LARGE1: variants seen among roughly 807,000 people sequenced by gnomAD.
The protein encoded by LARGE1 is xylosyl- and glucuronyltransferase LARGE1.
LARGE1 carries 43 observed loss-of-function variants against 87.6 expected under a neutral mutation model. The ratio of observed to expected loss-of-function variants is 0.49; its 90% CI spans 0.38 to 0.63. The LOEUF is 0.63. LARGE1 is among the 30% of genes least tolerant of loss of function. LARGE1 has a pLI of 0.00. For missense variants in LARGE1, 802 were observed against 1,000.2 expected (o/e 0.80, Z 2.67); for synonymous variants, 434 against 394.6 (o/e 1.10, Z -1.18).
intron 6 of LARGE1, among the ~76,000 whole-genome samples, chr22:33,544,884 G>A (rs1337848866): frequency 6.6e-6 from 1 of 151,010 alleles, no homozygotes; most frequent in Non-Finnish European, 1.5e-5. Context: ...CTTCAGCCAG[G>A]GATGAGATCA....
chr22:33,719,006 C>G (rs1429903876), intron 2 of LARGE1, among the ~76,000 whole-genome samples: 1 of 152,150 alleles, frequency 6.6e-6, no homozygotes, highest in African/African-American at 2.4e-5. Context: ...CCAGGCTCAT[C>G]TCAAACTCCT....
intron 6 of LARGE1, among the ~76,000 whole-genome samples, chr22:33,536,199 G>T (rs1391821172): frequency 1.3e-5 from 2 of 152,188 alleles, no homozygotes; most frequent in Non-Finnish European, 2.9e-5. Context: ...ACTATTTGAG[G>T]ACAATCTGCA....
intron 3 of LARGE1, among the ~76,000 whole-genome samples, chr22:33,633,494 G>A (rs1179832793): frequency 2.6e-5 from 4 of 152,126 alleles, no homozygotes; most frequent in Admixed American, 2.0e-4. Flanking sequence ...TAAATATGGG[G>A]AAAAAAATCA....
At chr22:33,722,649 T>C (rs576367626) in intron 2 of LARGE1, among the ~76,000 whole-genome samples, 1 of 152,066 alleles carries the variant, frequency 6.6e-6, no homozygotes, top group South Asian at 2.1e-4. Flanking sequence ...AGAAGGCACG[T>C]TATAGTAAGT....
At chr22:33,362,131 C>G (rs1377163648) in intron 9 of LARGE1, among the ~76,000 whole-genome samples, 1 of 149,210 alleles carries the variant, frequency 6.7e-6, no homozygotes, top group Non-Finnish European at 1.5e-5. Flanking sequence ...AAAAGATGCT[C>G]CCTTGGGCCC....
At chr22:33,129,956 T>C in the LARGE1 span, among the ~76,000 whole-genome samples, 3 of 152,322 alleles carry the variant, frequency 2.0e-5, no homozygotes, top group East Asian at 3.9e-4. Context: ...CGTATCATCA[T>C]CGTGGGAAGT....
intron 1 of LARGE1, among the ~76,000 whole-genome samples, chr22:33,903,979 G>A (rs2065361110): frequency 6.6e-6 from 1 of 152,128 alleles, no homozygotes; most frequent in African/African-American, 2.4e-5. Context: ...CAGTCAAAAG[G>A]TTTTATAGAG....
chr22:33,423,572 C>A (rs1390614785), intron 7 of LARGE1, among the ~76,000 whole-genome samples: 1 of 150,642 alleles, frequency 6.6e-6, no homozygotes, highest in Non-Finnish European at 1.5e-5. Flanking sequence ...CCCAGCTACT[C>A]AGGAGGCTGA....
intron 1 of LARGE1, among the ~76,000 whole-genome samples, chr22:33,765,336 C>A (rs935772863): frequency 6.6e-6 from 1 of 152,040 alleles, no homozygotes; most frequent in African/African-American, 2.4e-5. Context: ...ATGATTATTT[C>A]TTTCCCAGGG....
intron 6 of LARGE1, among the ~76,000 whole-genome samples, chr22:33,539,092 T>C (rs1158515312): frequency 6.6e-6 from 1 of 152,228 alleles, no homozygotes; most frequent in African/African-American, 2.4e-5. Context: ...TCTGCATATA[T>C]GTGTGTATAT....
intron 1 of LARGE1, among the ~76,000 whole-genome samples, chr22:33,844,807 GC>G (rs2063383805): frequency 6.7e-6 from 1 of 149,658 alleles, no homozygotes; most frequent in Non-Finnish European, 1.5e-5. Context: ...TGCAACCTCC[GC>G]CTCCCGGGCT....
rs1215378739 is a variant in LARGE1 at position 33,762,580 on chromosome 22, G to T, written c.-82-1022C>A. On this transcript the variant is annotated intron_variant, in intron 1 of 14. Transcript: ENST00000397394. ...CATAGCTTCCACCCTCAATATGGAA[G>T]AAGAGGTCCAGAGAATCACAGAAAC... Among the ~76,000 whole-genome samples the T allele has an allele frequency of 2.6e-5, 4 of 152,156 alleles. No homozygotes were observed. The East Asian group carries it at 7.7e-4, about 29-fold the overall frequency.
At chr22:33,300,819 C>G (rs770430628) in intron 12 of LARGE1, among the ~76,000 whole-genome samples, 2 of 152,142 alleles carry the variant, frequency 1.3e-5, no homozygotes, top group Admixed American at 1.3e-4. Context: ...GGATTACACG[C>G]GTGAGCCACC....
chr22:33,496,911 T>C (rs2070152028), intron 6 of LARGE1, among the ~76,000 whole-genome samples: 1 of 152,198 alleles, frequency 6.6e-6, no homozygotes. Context: ...TTTATCTTTT[T>C]CATTTTATTT....
In LARGE1 at chr22:33,707,256, C is replaced by T. The variant is rs187742195; in HGVS notation, c.106+54115G>A. 2.9e-4 allele frequency among the ~76,000 whole-genome samples: 44 copies of T among 152,370 alleles called. 1 individual carries two copies. Among genetic ancestry groups the T allele is most frequent in the Middle Eastern group, 6.8e-3 (2 of 294 alleles). On this transcript the variant is annotated intron_variant, in intron 2 of 14. Transcript: ENST00000397394. ...GAAAGGGAGAGCTCCCGGGGCCACA[C>T]CTGCCCCCTGGCACAAGCAGGCCCA...
At chr22:33,363,506 T>C (rs1002100087) in intron 9 of LARGE1, among the ~76,000 whole-genome samples, 2 of 149,402 alleles carry the variant, frequency 1.3e-5, no homozygotes, top group Admixed American at 1.3e-4. Flanking sequence ...ACCCCCGTGA[T>C]TCAATTACGT....
chr22:33,163,841 T>G (rs1248146239), exon 12 of LARGE1: 1 of 152,234 alleles, frequency 6.6e-6, no homozygotes, highest in Non-Finnish European at 1.5e-5. Context: ...TAAATGAAAC[T>G]CCCAATTGGC....
intron 1 of LARGE1, among the ~76,000 whole-genome samples, chr22:33,870,556 G>GTGTTGTTGT (rs67447726): frequency 1.3e-5 from 2 of 150,326 alleles, no homozygotes; most frequent in Non-Finnish European, 3.0e-5. Flanking sequence ...ATGACTGTCT[G>GTGTTGTTGT]TGTTGTTGTT....
At chr22:33,603,802 G>A (rs746506757) in intron 5 of LARGE1, among the ~76,000 whole-genome samples, 2 of 152,166 alleles carry the variant, frequency 1.3e-5, no homozygotes, top group Admixed American at 1.3e-4. Context: ...GTCTCAACAC[G>A]ATGCAAGCAA....
Sources: allele counts gnomAD v4.1 joint callset (sites outside exome capture counted in the v4.1 genomes callset), GRCh38; gene constraint gnomAD v4.1.1; transcripts MANE v1.5; gene names NCBI Gene and HGNC (gene_info 2026-07-23, HGNC 2026-07-21).